Variants in MYO1H observed in about 807,000 individuals in gnomAD.
MYO1H encodes the protein unconventional myosin-Ih.
In MYO1H, 118 loss-of-function variants were observed where a neutral mutation model predicts 149.3. That is an observed-to-expected ratio of 0.79 (90% CI 0.68 to 0.92). The LOEUF (loss-of-function observed/expected upper bound fraction) is 0.92. MYO1H is among the 40% of genes least tolerant of loss of function. MYO1H has a pLI of 0.00. For missense variants in MYO1H, 1,212 were observed against 1,280.7 expected, an observed-to-expected ratio of 0.95 and a Z score of 0.82; for synonymous variants, 447 against 465.2, an observed-to-expected ratio of 0.96 and a Z score of 0.50.
At chr12:109,360,117 CTT>C (rs574102302) in intron 1 of MYO1H, among the ~76,000 whole-genome samples, 1 of 136,124 alleles carries the variant, frequency 7.3e-6, no homozygotes. Flanking sequence ...TTTCTTCTTT[CTT>C]TTTTTTTTTT....
intron 19 of MYO1H, among the ~76,000 whole-genome samples, chr12:109,427,909 A>AAAAAATATAGATATATATATAT (rs1555254298): frequency 6.1e-5 from 1 of 16,416 alleles, no homozygotes; most frequent in Non-Finnish European, 1.0e-4. Context: ...AAAAAAAAAA[A>AAAAAATATAGATATATATATAT]ATATATATAT....
chr12:109,329,602 C>A, the MYO1H span, among the ~76,000 whole-genome samples: 1 of 152,164 alleles, frequency 6.6e-6, no homozygotes, highest in East Asian at 1.9e-4. Context: ...GGCTTAAATG[C>A]AGGTGGTTGA....
intron 6 of MYO1H, among the ~76,000 whole-genome samples, chr12:109,402,154 T>C: frequency 6.6e-6 from 1 of 152,068 alleles, no homozygotes; most frequent in Non-Finnish European, 1.5e-5. Flanking sequence ...AAGCCTAGAG[T>C]CTAGTGTTAT....
chr12:109,444,867 CAA>C (rs57782261), intron 30 of MYO1H, among the ~76,000 whole-genome samples: 10 of 136,912 alleles, frequency 7.3e-5, no homozygotes, highest in African/African-American at 8.2e-5. Context: ...GACAATGTCT[CAA>C]AAAAAAAAAA....
intron 3 of MYO1H, among the ~76,000 whole-genome samples, chr12:109,395,745 A>G (rs541654506): frequency 4.6e-5 from 7 of 151,578 alleles, no homozygotes; most frequent in African/African-American, 1.4e-4. Context: ...AAAAAAAAAA[A>G]AAAATTCTCA....
At chr12:109,329,599 A>AT in the MYO1H span, among the ~76,000 whole-genome samples, 1 of 152,182 alleles carries the variant, frequency 6.6e-6, no homozygotes, top group Non-Finnish European at 1.5e-5. Context: ...GAAGGCTTAA[A>AT]TGCAGGTGGT....
At chr12:109,410,361 C>T (rs1158702971) in intron 12 of MYO1H, among the ~76,000 whole-genome samples, 1 of 152,008 alleles carries the variant, frequency 6.6e-6, no homozygotes, top group African/African-American at 2.4e-5. Flanking sequence ...AGGCTGGTCT[C>T]GAACTCCTGG....
the MYO1H span, among the ~76,000 whole-genome samples, chr12:109,315,124 A>G: frequency 2.0e-5 from 3 of 152,108 alleles, no homozygotes; most frequent in African/African-American, 7.2e-5. Context: ...AAAAATATTC[A>G]GGGCCCTTGT....
chr12:109,393,499 C>T (rs1869754174), intron 3 of MYO1H, 53 bp downstream of exon 3: 1 of 1,143,230 alleles, frequency 8.7e-7, no homozygotes, highest in Non-Finnish European at 1.3e-6. Context: ...TTTCCCCTTC[C>T]TCTCTCTCCT....
the MYO1H span, among the ~76,000 whole-genome samples, chr12:109,330,780 A>T: frequency 2.6e-5 from 4 of 152,182 alleles, no homozygotes; most frequent in African/African-American, 9.7e-5. Context: ...GTGAAATTGC[A>T]TTGTGGGATT....
chr12:109,422,021 A>G (rs1046473782), intron 16 of MYO1H, among the ~76,000 whole-genome samples: 2 of 151,982 alleles, frequency 1.3e-5, no homozygotes, highest in African/African-American at 4.8e-5. Flanking sequence ...GGATCTTGCT[A>G]TGACGCCTAG....
chr12:109,372,795 A>G (rs76307472), intron 1 of MYO1H, among the ~76,000 whole-genome samples: 2,902 of 152,148 alleles, frequency 0.019, 96 homozygotes, highest in African/African-American at 0.066. Flanking sequence ...TTAGCATGCA[A>G]TAAATCTTGG....
chr12:109,379,749 T>C (rs1054666188), intron 1 of MYO1H, among the ~76,000 whole-genome samples: 339 of 147,386 alleles, frequency 2.3e-3, no homozygotes, highest in Non-Finnish European at 3.8e-3. Flanking sequence ...TTTTTTTTTT[T>C]TTGAGATGGA....
upstream of MYO1H, among the ~76,000 whole-genome samples, chr12:109,347,197 G>T (rs114527771): frequency 2.6e-3 from 401 of 152,262 alleles, no homozygotes; most frequent in African/African-American, 8.9e-3. Context: ...TCAAGTTTGG[G>T]GGCCCAAGGC....
At chr12:109,312,212 T>C in the MYO1H span, among the ~76,000 whole-genome samples, 1 of 151,768 alleles carries the variant, frequency 6.6e-6, no homozygotes, top group Non-Finnish European at 1.5e-5. Context: ...TTTTTTTTTT[T>C]GTTTGTTTGT....
intron 1 of MYO1H, among the ~76,000 whole-genome samples, chr12:109,364,870 T>C (rs1187119395): frequency 6.6e-6 from 1 of 152,234 alleles, no homozygotes; most frequent in Non-Finnish European, 1.5e-5. Context: ...TTGTCAGAAT[T>C]AATACACAAG....
chr12:109,364,171 TAAAAAAAAAA>T lies in MYO1H; in HGVS notation c.12+16217_12+16226del, dbSNP rs746308903. On this transcript the variant is annotated intron_variant, in intron 1 of 31. Transcript: ENST00000310903. ...GGGCAACAGAGAGAGACCATGTCTT[TAAAAAAAAAA>T]AAAAAAAAAAAAAAAAAGAAGTGGG... Among the ~76,000 whole-genome samples the T allele has an allele frequency of 2.0e-4, 18 of 90,290 alleles. No individual in the cohort carries two copies. The East Asian group carries it at 4.0e-3, about 20-fold the overall frequency. 59.2% of individuals were successfully genotyped at this position (90,290 alleles called of 152,430 possible).
At chr12:109,363,132 G>A (rs1868788687) in intron 1 of MYO1H, among the ~76,000 whole-genome samples, 1 of 152,012 alleles carries the variant, frequency 6.6e-6, no homozygotes, top group Admixed American at 6.5e-5. Flanking sequence ...TGCCCATATC[G>A]GCATGCAGCA....
At chr12:109,379,859 A>G (rs1869166023) in intron 1 of MYO1H, among the ~76,000 whole-genome samples, 1 of 150,898 alleles carries the variant, frequency 6.6e-6, no homozygotes, top group Admixed American at 6.6e-5. Flanking sequence ...CAGCCTCCCA[A>G]GTAGCTGAGA....
Sources: allele counts gnomAD v4.1 joint callset (sites outside exome capture counted in the v4.1 genomes callset), GRCh38; gene constraint gnomAD v4.1.1; transcripts MANE v1.5; gene names NCBI Gene and HGNC (gene_info 2026-07-23, HGNC 2026-07-21).